The following PCDH7 variants were observed in gnomAD, a reference collection of about 807,000 sequenced individuals.
PCDH7 encodes protocadherin 7, also known as protocadherin-7.
A neutral mutation model predicts 58.9 loss-of-function variants in PCDH7; 17 were observed. That is an observed-to-expected ratio of 0.29 (90% CI 0.20 to 0.43). The LOEUF is 0.43. PCDH7 is among the 20% of genes least tolerant of loss of function. The pLI, the probability that PCDH7 is intolerant of heterozygous loss-of-function variation, is 1.00. For synonymous variants in PCDH7, 664 were observed against 616.4 expected, an observed-to-expected ratio of 1.08 and a Z score of -1.14; for missense variants, 1,274 against 1,441.0, an observed-to-expected ratio of 0.88 and a Z score of 1.88.
intron 3 of PCDH7, among the ~76,000 whole-genome samples, chr4:31,032,813 T>G (rs1420420428): frequency 1.3e-5 from 2 of 152,124 alleles, no homozygotes; most frequent in African/African-American, 2.4e-5. Flanking sequence ...ACAATCCATT[T>G]TATATGAAAT....
chr4:30,890,515 G>T (rs1460683067), intron 1 of PCDH7, among the ~76,000 whole-genome samples: 2 of 151,614 alleles, frequency 1.3e-5, no homozygotes, highest in East Asian at 3.9e-4. Flanking sequence ...CTCAACTGCT[G>T]AAAATCAAAT....
At chr4:30,905,920 A>G (rs1051230586) in intron 1 of PCDH7, among the ~76,000 whole-genome samples, 1 of 152,212 alleles carries the variant, frequency 6.6e-6, no homozygotes, top group Non-Finnish European at 1.5e-5. Context: ...CAATATTTTT[A>G]TGAGGCTAAG....
chr4:31,090,842 A>G (rs1162707838), intron 3 of PCDH7, among the ~76,000 whole-genome samples: 1 of 151,992 alleles, frequency 6.6e-6, no homozygotes, highest in Non-Finnish European at 1.5e-5. Context: ...GTTTAACTCC[A>G]TGTCTCCATT....
At chr4:30,767,159 T>G (rs372496193) in intron 1 of PCDH7, among the ~76,000 whole-genome samples, 3 of 152,228 alleles carry the variant, frequency 2.0e-5, no homozygotes, top group African/African-American at 7.2e-5. Flanking sequence ...ATCTTTTCTC[T>G]GAATAGCTAA....
At chr4:30,959,594 T>C (rs28404438) in intron 3 of PCDH7, among the ~76,000 whole-genome samples, 1 of 152,192 alleles carries the variant, frequency 6.6e-6, no homozygotes, top group Non-Finnish European at 1.5e-5. Flanking sequence ...ATATAATACT[T>C]ATAAGTAAAA....
In PCDH7 at chr4:31,059,915, C is replaced by T. The variant is rs186273009; in HGVS notation, c.*8-82558C>T. On this transcript the variant is annotated intron_variant, in intron 3 of 3. Coordinates refer to the PCDH7 transcript ENST00000509759. ...GATCATCTAATCTATGTTCATTCTA[C>T]AAGTTGAAGAGATTGAGCAACATCA... 3.3e-5 allele frequency among the ~76,000 whole-genome samples: 5 copies of T among 151,758 alleles called. No individual in the cohort carries two copies. The East Asian group carries it at 7.7e-4, about 24-fold the overall frequency.
At chr4:30,922,668 A>G (rs1308686163) in intron 2 of PCDH7, among the ~76,000 whole-genome samples, 1 of 152,130 alleles carries the variant, frequency 6.6e-6, no homozygotes, top group African/African-American at 2.4e-5. Context: ...CAAGTTTTTA[A>G]GGCCTGTCAA....
intron 1 of PCDH7, among the ~76,000 whole-genome samples, chr4:30,777,754 C>T (rs1722261887): frequency 6.6e-6 from 1 of 152,082 alleles, no homozygotes; most frequent in Non-Finnish European, 1.5e-5. Context: ...TTTATTAATT[C>T]TATGTTCACT....
chr4:30,970,347 T>C (rs569766899), intron 3 of PCDH7, among the ~76,000 whole-genome samples: 1 of 151,454 alleles, frequency 6.6e-6, no homozygotes, highest in Non-Finnish European at 1.5e-5. Context: ...CAGGCTGGAG[T>C]GCAGTGGCAC....
At chr4:31,121,655 A>G (rs899178341) in intron 3 of PCDH7, among the ~76,000 whole-genome samples, 3 of 152,126 alleles carry the variant, frequency 2.0e-5, no homozygotes, top group Non-Finnish European at 2.9e-5. Flanking sequence ...AAGCACTCCC[A>G]ATGTCCAAAT....
At chr4:31,111,351 G>A (rs1028084971) in intron 3 of PCDH7, among the ~76,000 whole-genome samples, 2 of 149,198 alleles carry the variant, frequency 1.3e-5, no homozygotes, top group African/African-American at 2.5e-5. Flanking sequence ...TCTGTCGCTC[G>A]GGCTAGAGTG....
intron 1 of PCDH7, among the ~76,000 whole-genome samples, chr4:30,882,751 A>G (rs549824981): frequency 2.0e-5 from 3 of 152,336 alleles, no homozygotes; most frequent in Admixed American, 2.0e-4. Flanking sequence ...ACTTTTGCTT[A>G]GGGAAGTCAC....
At chr4:30,825,556 T>C (rs1167821548) in intron 1 of PCDH7, among the ~76,000 whole-genome samples, 2 of 152,106 alleles carry the variant, frequency 1.3e-5, no homozygotes, top group East Asian at 3.9e-4. Context: ...ATGTCAGAAA[T>C]CTGTATTGCT....
At chr4:30,789,026 G>A (rs747440209) in intron 1 of PCDH7, among the ~76,000 whole-genome samples, 3 of 151,966 alleles carry the variant, frequency 2.0e-5, no homozygotes, top group Admixed American at 6.6e-5. Flanking sequence ...GACCTCAAGC[G>A]CAAGACCAAG....
intron 2 of PCDH7, among the ~76,000 whole-genome samples, chr4:30,933,154 G>A (rs1744884227): frequency 6.6e-6 from 1 of 151,984 alleles, no homozygotes; most frequent in African/African-American, 2.4e-5. Flanking sequence ...AGGCTCCCAA[G>A]TAGCTGGGAC....
intron 3 of PCDH7, among the ~76,000 whole-genome samples, chr4:30,964,890 A>G (rs1309683693): frequency 6.6e-6 from 1 of 152,126 alleles, no homozygotes; most frequent in Non-Finnish European, 1.5e-5. Context: ...GGTGCTTTCT[A>G]TTCCATTGAC....
At chr4:30,787,162 CAA>C (rs1723510121) in intron 1 of PCDH7, among the ~76,000 whole-genome samples, 1 of 151,972 alleles carries the variant, frequency 6.6e-6, no homozygotes, top group Admixed American at 6.6e-5. Flanking sequence ...TGGACTCAAG[CAA>C]AGAGTGTGGA....
chr4:31,092,957 G>A (rs1203016801), intron 3 of PCDH7, among the ~76,000 whole-genome samples: 1 of 151,990 alleles, frequency 6.6e-6, no homozygotes, highest in Non-Finnish European at 1.5e-5. Context: ...ATTGCATTCT[G>A]TCATTTATCT....
At chr4:30,988,705 T>C (rs1012003729) in intron 3 of PCDH7, among the ~76,000 whole-genome samples, 1 of 152,208 alleles carries the variant, frequency 6.6e-6, no homozygotes, top group Non-Finnish European at 1.5e-5. Context: ...GCAATACAAA[T>C]TGAAGTTTGC....
Sources: gnomAD v4.1 joint callset for allele counts (sites outside exome capture counted in the v4.1 genomes callset) on GRCh38, gnomAD v4.1.1 for gene constraint, MANE v1.5 for transcripts, NCBI Gene and HGNC (gene_info 2026-07-23, HGNC 2026-07-21) for gene names.